The following DNAH12 variants were observed in gnomAD, a reference collection of about 807,000 sequenced individuals.
DNAH12 encodes the protein axonemal beta dynein heavy chain 12.
Under a neutral mutation model 371.5 loss-of-function variants are expected in DNAH12, and 285 were observed. The observed-to-expected ratio is 0.77, with a 90% CI of 0.70 to 0.85. The LOEUF (loss-of-function observed/expected upper bound fraction) is 0.85. Among genes scored for constraint, DNAH12 ranks in the 40% least tolerant of loss-of-function variants. The pLI, the probability that DNAH12 is intolerant of heterozygous loss-of-function variation, is 0.00. For missense variants in DNAH12, 3,611 were observed against 3,689.4 expected, an observed-to-expected ratio of 0.98 and a Z score of 0.55; for synonymous variants, 1,200 against 1,213.0, an observed-to-expected ratio of 0.99 and a Z score of 0.22.
chr3:57,335,597 A>T (rs1336389896), intron 60 of DNAH12, among the ~76,000 whole-genome samples: 1 of 152,230 alleles, frequency 6.6e-6, no homozygotes, highest in Non-Finnish European at 1.5e-5. Flanking sequence ...ACTGTACTGA[A>T]TACAGTAAGC....
At position 57,293,768 on chromosome 3, in the gene DNAH12, A is replaced by G. The variant is rs2061170174; in HGVS notation, c.*13T>C. On this transcript the variant is annotated 3_prime_UTR_variant, in exon 74 of 74. Transcript: ENST00000495027. ...TTTTTTAAACTTTTGGATGTTTTATAAATTTGTCCAATTTAGTCATCCAAC... is the reference window on the plus strand; with the variant it reads ...TTTTTTAAACTTTTGGATGTTTTATGAATTTGTCCAATTTAGTCATCCAAC... The G allele has an allele frequency of 6.5e-7, 1 of 1,541,314 alleles. No homozygotes were observed. Among genetic ancestry groups the G allele is most frequent in the South Asian group, 1.2e-5 (1 of 81,394 alleles).
intron 40 of DNAH12, among the ~76,000 whole-genome samples, chr3:57,407,984 T>C (rs1417646638): frequency 7.9e-5 from 12 of 152,162 alleles, no homozygotes; most frequent in Admixed American, 7.9e-4. Context: ...TAGTTTTAGA[T>C]GTTTTCCTTA....
chr3:57,449,975 C>T (rs1407246424), intron 25 of DNAH12, among the ~76,000 whole-genome samples: 1 of 152,214 alleles, frequency 6.6e-6, no homozygotes, highest in Non-Finnish European at 1.5e-5. Context: ...CGGGTGGGCA[C>T]AGTGGCTCAC....
intron 59 of DNAH12, 44 bp from the exon 60 acceptor site, chr3:57,352,269 G>C (rs2062695441): frequency 6.7e-7 from 1 of 1,494,340 alleles, no homozygotes; most frequent in Non-Finnish European, 8.9e-7. Context: ...ACAAAACTAA[G>C]AAAATATAAG....
rs537748754 is a variant in DNAH12 at position 57,543,646 on chromosome 3, T to C, written c.-34+551A>G. Among the ~76,000 whole-genome samples the C allele has an allele frequency of 4.0e-5, 6 of 151,222 alleles. No homozygotes were observed. In the South Asian group the frequency reaches 1.3e-3, roughly 32 times the overall value. On this transcript the variant is annotated intron_variant, in intron 1 of 73. Coordinates refer to ENST00000495027, the MANE Select transcript of DNAH12 (RefSeq NM_001366028.2). Reference sequence around the variant, plus strand: ...AATCATTAATATTTTTAAACATCAGTATGATATCTTAGTCTTGCTGCCTTC... The same window carrying C: ...AATCATTAATATTTTTAAACATCAGCATGATATCTTAGTCTTGCTGCCTTC...
chr3:57,419,452 GT>G lies in DNAH12; in HGVS notation c.5628del (p.Lys1876AsnfsTer9). On this transcript the variant is annotated frameshift_variant, in exon 37 of 74. Coordinates refer to ENST00000495027, the MANE Select transcript of DNAH12 (RefSeq NM_001366028.2). LOFTEE classifies it high-confidence loss of function. ...ACTATGATATCTTGAATCTTGATTT[GT>G]TTATCTCCTAAATTAGTATTTTTAA... is the stretch of plus-strand genomic sequence containing the variant. ...ELIKNTNLGD[K>X]QIKIQDIIVP... The G allele has an allele frequency of 6.7e-7, 1 of 1,502,524 alleles. No homozygotes were observed. The highest frequency in any genetic ancestry group is 8.9e-7 in the Non-Finnish European group (1 of 1,128,392). 93.1% of individuals were successfully genotyped at this position (1,502,524 alleles called of 1,614,324 possible).
At chr3:57,406,326 C>T (rs1406968252) in intron 40 of DNAH12, among the ~76,000 whole-genome samples, 1 of 140,810 alleles carries the variant, frequency 7.1e-6, no homozygotes, top group African/African-American at 2.6e-5. Context: ...CATTGCACTC[C>T]AGCCTGGGCA....
intron 60 of DNAH12, among the ~76,000 whole-genome samples, chr3:57,341,188 AC>A (rs1436666861): frequency 6.6e-6 from 1 of 152,198 alleles, no homozygotes; most frequent in Non-Finnish European, 1.5e-5. Context: ...CTGGAACAAG[AC>A]AAGGATACCC....
At chr3:57,514,881 C>T (rs1350826941) in intron 4 of DNAH12, among the ~76,000 whole-genome samples, 1 of 152,030 alleles carries the variant, frequency 6.6e-6, no homozygotes, top group East Asian at 1.9e-4. Context: ...ATGCTAAGTA[C>T]AAAAGACTAT....
At chr3:57,395,750 G>A (rs1419327956) in intron 43 of DNAH12, among the ~76,000 whole-genome samples, 1 of 151,696 alleles carries the variant, frequency 6.6e-6, no homozygotes, top group African/African-American at 2.4e-5. Context: ...TTTGAGAGCA[G>A]CCTGGACAAC....
chr3:57,403,935 C>T (rs1157876094), intron 42 of DNAH12, among the ~76,000 whole-genome samples: 6 of 152,260 alleles, frequency 3.9e-5, no homozygotes, highest in African/African-American at 1.4e-4. Context: ...GATACCATTT[C>T]ACTCTCCTTA....
chr3:57,410,694 T>TA (rs1319555712), intron 39 of DNAH12, among the ~76,000 whole-genome samples: 2 of 152,174 alleles, frequency 1.3e-5, no homozygotes, highest in East Asian at 1.9e-4. Context: ...TGTGTACCTG[T>TA]AGTCCCAGCT....
chr3:57,364,250 A>C (rs2062999406), intron 57 of DNAH12, among the ~76,000 whole-genome samples: 1 of 152,212 alleles, frequency 6.6e-6, no homozygotes, highest in Admixed American at 6.5e-5. Flanking sequence ...AAATGGGATG[A>C]AACTTCAAAA....
intron 43 of DNAH12, among the ~76,000 whole-genome samples, chr3:57,401,204 A>T (rs1401791335): frequency 6.6e-6 from 1 of 152,122 alleles, no homozygotes; most frequent in Non-Finnish European, 1.5e-5. Context: ...AACTTGAGGG[A>T]TGCAGCAAAA....
upstream of DNAH12, among the ~76,000 whole-genome samples, chr3:57,547,704 C>A (rs145410948): frequency 4.4e-3 from 665 of 152,262 alleles, 6 homozygotes; most frequent in African/African-American, 0.016. Context: ...GTTTTCTTAA[C>A]TCTGAAAGAA....
chr3:57,433,965 GA>G, intron 30 of DNAH12, 137 bp from the exon 31 acceptor site: 1 of 707,948 alleles, frequency 1.4e-6, no homozygotes, highest in African/African-American at 1.8e-5. Flanking sequence ...CAGACATGAA[GA>G]AAACATATTT....
chr3:57,318,259 T>G (rs1306786107), intron 65 of DNAH12, among the ~76,000 whole-genome samples: 1 of 152,142 alleles, frequency 6.6e-6, no homozygotes, highest in Non-Finnish European at 1.5e-5. Context: ...GCTTTCCTTC[T>G]AAGTGTTCTT....
the DNAH12 span, among the ~76,000 whole-genome samples, chr3:57,553,705 CAAGT>C: frequency 2.0e-5 from 3 of 152,160 alleles, no homozygotes; most frequent in South Asian, 6.2e-4. Context: ...ACAAATCAAG[CAAGT>C]ATTAAAAATA....
chr3:57,295,671 G>A, intron 72 of DNAH12, 79 bp from the exon 73 acceptor site: 3 of 1,265,180 alleles, frequency 2.4e-6, no homozygotes, highest in Non-Finnish European at 3.2e-6. Flanking sequence ...TTAGATATTG[G>A]CTTTTACTAA....
Sources: gnomAD v4.1 joint callset for allele counts (sites outside exome capture counted in the v4.1 genomes callset) on GRCh38, gnomAD v4.1.1 for gene constraint, MANE v1.5 for transcripts, NCBI Gene and HGNC (gene_info 2026-07-23, HGNC 2026-07-21) for gene names.